LRRC1: variants seen among roughly 807,000 people sequenced by gnomAD.
The protein encoded by LRRC1 is leucine-rich repeat-containing protein 1.
LRRC1 carries 28 observed loss-of-function variants against 69.9 expected under a neutral mutation model. That is an observed-to-expected ratio of 0.40 (90% CI 0.30 to 0.55). The LOEUF is 0.55. Ranked by LOEUF, LRRC1 falls within the 20% of genes least tolerant of loss-of-function variation. The pLI, the probability that LRRC1 is intolerant of heterozygous loss-of-function variation, is 0.47. For missense variants in LRRC1, 498 were observed against 609.0 expected (o/e 0.82, Z 1.92); for synonymous variants, 236 against 240.2 (o/e 0.98, Z 0.16).
At chr6:53,818,642 T>C (rs1386949475) in intron 1 of LRRC1, among the ~76,000 whole-genome samples, 1 of 152,174 alleles carries the variant, frequency 6.6e-6, no homozygotes, top group African/African-American at 2.4e-5. Flanking sequence ...TGGATGTTTA[T>C]GTATAATGGT....
intron 2 of LRRC1, among the ~76,000 whole-genome samples, chr6:53,873,789 A>G (rs909366009): frequency 6.6e-6 from 1 of 152,090 alleles, no homozygotes; most frequent in Non-Finnish European, 1.5e-5. Flanking sequence ...CTCTTGCCTA[A>G]TCTCTCTGGG....
chr6:53,897,409 A>C, intron 7 of LRRC1, 50 bp downstream of exon 7: 1 of 1,306,090 alleles, frequency 7.7e-7, no homozygotes. Flanking sequence ...CAGCAACAAT[A>C]AGCTTTGTGT....
chr6:53,884,114 T>C, intron 4 of LRRC1: 1 of 655,066 alleles, frequency 1.5e-6, no homozygotes. Context: ...ACTCTAGGTG[T>C]ATGGTATCAG....
In LRRC1 at chr6:53,922,762, A is replaced by G. The variant is rs763128173; in HGVS notation, c.1544A>G (p.His515Arg). Residue 515 changes from histidine to arginine, a missense_variant, in exon 14 of 14, where the codon CAT becomes CGT. Coordinates refer to ENST00000370888, the MANE Select transcript of LRRC1 (RefSeq NM_018214.5). ...GACTCAAACAAAAACGAGGTCAATC[A>G]TGCCATTGACCGAGTGACCACTTCT... ...GLDSNKNEVN[H>R]AIDRVTTSV 4 of 1,613,940 alleles carry G rather than the reference A, an allele frequency of 2.5e-6. No individual in the cohort carries two copies. Among genetic ancestry groups the G allele is most frequent in the African/African-American group, 1.3e-5 (1 of 74,926 alleles).
intron 2 of LRRC1, among the ~76,000 whole-genome samples, chr6:53,860,495 T>C (rs1766460911): frequency 6.6e-6 from 1 of 151,088 alleles, no homozygotes; most frequent in Non-Finnish European, 1.5e-5. Context: ...TTTGAATTCT[T>C]TTTAGAATGC....
intron 9 of LRRC1, 112 bp from the exon 10 acceptor site, chr6:53,904,267 G>A (rs1296428629): frequency 1.6e-6 from 1 of 623,798 alleles, no homozygotes; most frequent in African/African-American, 1.9e-5. Context: ...AAGAACTATT[G>A]CTTCTGTTGC....
intron 1 of LRRC1, among the ~76,000 whole-genome samples, chr6:53,832,769 T>A (rs986973456): frequency 6.6e-6 from 1 of 152,170 alleles, no homozygotes; most frequent in Non-Finnish European, 1.5e-5. Flanking sequence ...AATGATCCTC[T>A]GTCATCTGGC....
At chr6:53,864,533 G>C (rs1217897611) in intron 2 of LRRC1, among the ~76,000 whole-genome samples, 1 of 152,122 alleles carries the variant, frequency 6.6e-6, no homozygotes, top group Admixed American at 6.5e-5. Context: ...TCAGAGCCCT[G>C]CTCTTTCACA....
intron 11 of LRRC1, among the ~76,000 whole-genome samples, chr6:53,915,718 A>G (rs1581919984): frequency 6.6e-6 from 1 of 152,244 alleles, no homozygotes; most frequent in African/African-American, 2.4e-5. Flanking sequence ...AGAAAACCCA[A>G]TTAAAAAGTC....
intron 1 of LRRC1, among the ~76,000 whole-genome samples, chr6:53,837,223 T>C (rs1441991970): frequency 1.3e-5 from 2 of 152,052 alleles, no homozygotes; most frequent in African/African-American, 4.8e-5. Flanking sequence ...AGAGTTTTTT[T>C]TTTAAAGATC....
chr6:53,893,980 G>A (rs561534801), intron 4 of LRRC1, among the ~76,000 whole-genome samples: 1 of 152,322 alleles, frequency 6.6e-6, no homozygotes, highest in African/African-American at 2.4e-5. Context: ...ATTTTAAAAT[G>A]TGTATCACAT....
intron 3 of LRRC1, among the ~76,000 whole-genome samples, chr6:53,879,492 G>A (rs1767192582): frequency 1.3e-5 from 2 of 151,964 alleles, no homozygotes; most frequent in Admixed American, 1.3e-4. Context: ...CACCATATTG[G>A]CCAGGATGAT....
At chr6:53,873,537 G>A (rs1414578428) in intron 2 of LRRC1, among the ~76,000 whole-genome samples, 1 of 149,972 alleles carries the variant, frequency 6.7e-6, no homozygotes, top group Non-Finnish European at 1.5e-5. Context: ...CTGACCCCGT[G>A]ATCTGCCCGC....
At chr6:53,836,147 A>T (rs918801925) in intron 1 of LRRC1, among the ~76,000 whole-genome samples, 25 of 152,242 alleles carry the variant, frequency 1.6e-4, no homozygotes, top group African/African-American at 5.5e-4. Flanking sequence ...TCTAGCTGGC[A>T]GCTGGCACTA....
At chr6:53,810,627 A>G (rs1339344421) in intron 1 of LRRC1, among the ~76,000 whole-genome samples, 1 of 152,210 alleles carries the variant, frequency 6.6e-6, no homozygotes, top group African/African-American at 2.4e-5. Context: ...CTCAAAAAAA[A>G]AAAAGCTTTT....
At chr6:53,801,511 G>A (rs889845281) in intron 1 of LRRC1, among the ~76,000 whole-genome samples, 2 of 152,160 alleles carry the variant, frequency 1.3e-5, no homozygotes, top group Non-Finnish European at 2.9e-5. Context: ...CCCCTTTATA[G>A]TGCTGATCTA....
At chr6:53,816,727 G>A (rs1313160682) in intron 1 of LRRC1, among the ~76,000 whole-genome samples, 1 of 46,998 alleles carries the variant, frequency 2.1e-5, no homozygotes, top group Non-Finnish European at 5.4e-5. Context: ...CCCATGGAGG[G>A]CAGAGGGAAG....
intron 1 of LRRC1, among the ~76,000 whole-genome samples, chr6:53,825,149 C>T (rs973298966): frequency 1.3e-5 from 2 of 152,120 alleles, no homozygotes. Context: ...TGCCGGTAAA[C>T]CATGCATGGG....
intron 2 of LRRC1, among the ~76,000 whole-genome samples, chr6:53,856,391 C>G (rs1321107116): frequency 2.0e-5 from 3 of 152,118 alleles, no homozygotes; most frequent in African/African-American, 7.2e-5. Flanking sequence ...AAAGTCCTGT[C>G]TCAGAGGTAT....
Sources: allele counts gnomAD v4.1 joint callset (sites outside exome capture counted in the v4.1 genomes callset), GRCh38; gene constraint gnomAD v4.1.1; transcripts MANE v1.5; gene names NCBI Gene and HGNC (gene_info 2026-07-23, HGNC 2026-07-21).